Variants in PAX6 observed in about 807,000 individuals in gnomAD.
The protein encoded by PAX6 is paired box 6.
In PAX6, 7 loss-of-function variants were observed where a neutral mutation model predicts 60.7. The observed-to-expected ratio is 0.12, with a 90% CI of 0.07 to 0.22. The LOEUF is 0.22. PAX6 is among the 10% of genes least tolerant of loss of function. The pLI is 1.00. For synonymous variants in PAX6, 208 were observed against 201.2 expected, an observed-to-expected ratio of 1.03 and a Z score of -0.29; for missense variants, 355 against 555.2, an observed-to-expected ratio of 0.64 and a Z score of 3.62.
chr11:31,799,970 C>T (rs1262865146), intron 8 of PAX6, among the ~76,000 whole-genome samples: 2 of 150,270 alleles, frequency 1.3e-5, no homozygotes, highest in African/African-American at 4.9e-5. Flanking sequence ...CCCCATCCCC[C>T]GCTCTTCTTC....
chr11:31,795,352 A>T, intron 8 of PAX6, among the ~76,000 whole-genome samples: 1 of 152,244 alleles, frequency 6.6e-6, no homozygotes, highest in East Asian at 1.9e-4. Flanking sequence ...AAGTGCTCGC[A>T]TTGTTCTGCA....
exon 1 of PAX6, chr11:31,817,869 C>G (rs979759758): frequency 1.3e-5 from 2 of 152,762 alleles, no homozygotes; most frequent in Middle Eastern, 3.4e-3. Flanking sequence ...CACTTCTCAC[C>G]GCCGCTCGGC....
chr11:31,816,316 G>C (rs1403591057), upstream of PAX6: 2 of 520,396 alleles, frequency 3.8e-6, no homozygotes, highest in East Asian at 6.4e-5. Context: ...GAGAGGGTCT[G>C]AGGAAAAAAA....
At chr11:31,810,185 G>C (rs1956753513) in intron 2 of PAX6, 2 of 152,442 alleles carry the variant, frequency 1.3e-5, no homozygotes, top group South Asian at 4.1e-4. Context: ...CGGCTGCCTT[G>C]CCGACTGACT....
chr11:31,796,993 G>A (rs1419121105), intron 8 of PAX6, among the ~76,000 whole-genome samples: 1 of 152,074 alleles, frequency 6.6e-6, no homozygotes, highest in African/African-American at 2.4e-5. Context: ...GTTTTTCAAG[G>A]GAAGAAATGA....
intron 10 of PAX6, 21 bp from the exon 11 acceptor site, chr11:31,793,823 G>T (rs1592416958): frequency 1.9e-6 from 3 of 1,614,044 alleles, no homozygotes; most frequent in Non-Finnish European, 1.7e-6. Flanking sequence ...GGTGGGACAG[G>T]TTAGCACTGT....
chr11:31,804,352 G>T (rs1177236685), intron 4 of PAX6: 5 of 152,222 alleles, frequency 3.3e-5, no homozygotes, highest in Admixed American at 3.3e-4. Flanking sequence ...GTCCTTATTT[G>T]TAGATCACTC....
intron 8 of PAX6, 131 bp from the exon 9 acceptor site, chr11:31,794,919 T>C (rs895034918): frequency 6.2e-6 from 5 of 811,832 alleles, no homozygotes; most frequent in Non-Finnish European, 1.0e-5. Context: ...CCAAGGTAAC[T>C]GTCAGCCTTC....
chr11:31,789,616 A>G lies in PAX6; in HGVS notation c.*318T>C. On this transcript the variant is annotated 3_prime_UTR_variant, in exon 14 of 14. Transcript: ENST00000640368. Reference sequence around the variant, plus strand: ...ACAACTTCATGACCAACACAGATCAAACATCCATCCAGTCTACATTGTTCT... The same window carrying G: ...ACAACTTCATGACCAACACAGATCAGACATCCATCCAGTCTACATTGTTCT... The G allele has an allele frequency of 1.5e-6, 1 of 662,228 alleles. No individual in the cohort carries two copies. The highest frequency in any genetic ancestry group is 2.7e-6 in the Non-Finnish European group (1 of 369,606). The allele number at this position is 662,228 out of a possible 1,614,324, so 41.0% of individuals were successfully genotyped here. A position where few individuals can be genotyped will look rare whatever the true frequency, so the allele number is the denominator to read the frequency against.
At chr11:31,793,590 G>A in intron 11 of PAX6, 37 bp from the exon 12 acceptor site, 2 of 1,613,184 alleles carry the variant, frequency 1.2e-6, no homozygotes, top group South Asian at 1.1e-5. Context: ...CAGAGTGAGA[G>A]TCAGAGCCCG....
At position 31,801,647 on chromosome 11, in the gene PAX6, T is replaced by G. The variant is rs1953924207; in HGVS notation, c.313A>C (p.Lys105Gln). 1 of 1,614,064 alleles carries G rather than the reference T, an allele frequency of 6.2e-7. No homozygotes were observed. The highest frequency in any genetic ancestry group is 1.3e-5 in the African/African-American group (1 of 74,926). Residue 105 changes from lysine to glutamine, a missense_variant, in exon 7 of 14, where the codon AAG (lysine) becomes CAG (glutamine). Physicochemically the swap from Lys to Gln is moderately conservative, Grantham distance 53 (BLOSUM62 1). This residue lies in a region of PAX6 where 143 missense variants were observed against 183.6 expected (regional missense o/e 0.78). Transcript: ENST00000640368. ...PEVVSKIAQY[K>Q]RECPSIFAWE... ...GCAAAGATGGACGGGCACTCCCGCT[T>G]ATACTGGGCTATTTTGCTTACAACT...
chr11:31,817,293 G>A (rs915640798), intron 1 of PAX6, among the ~76,000 whole-genome samples: 2 of 152,268 alleles, frequency 1.3e-5, no homozygotes, highest in Admixed American at 6.5e-5. Flanking sequence ...CCCATCTCTA[G>A]ACTTTGTTGC....
Position 31,790,806 on chromosome 11 carries a change from A to T in PAX6, c.1129T>A (p.Ser377Thr). ...SYSCMLPTSP[S>T]VNGRSYDTYT... ...GTATCATAACTCCGCCCATTCACCG[A>T]AGGGCTGGTGGGCAGCATGCAGGAG... is the stretch of plus-strand genomic sequence containing the variant. The change falls in exon 13 of 14, where the codon TCG (serine) becomes ACG (threonine). Residue 377 changes from serine to threonine, a missense_variant. By Grantham distance (58) the Ser-to-Thr change is moderately conservative (BLOSUM62 1). Around this residue, in one of 5 missense-constraint regions of PAX6, gnomAD observed 149 missense variants for 191.9 expected, o/e 0.78. Coordinates refer to ENST00000640368, the MANE Select transcript of PAX6 (RefSeq NM_001368894.2). The T allele has an allele frequency of 1.2e-6, 2 of 1,614,028 alleles. No homozygotes were observed. Among genetic ancestry groups the T allele is most frequent in the Non-Finnish European group, 1.7e-6 (2 of 1,180,010 alleles).
Position 31,789,739 on chromosome 11 carries a change from G to A in PAX6, c.*195C>T, listed in dbSNP as rs1414622264. On this transcript the variant is annotated 3_prime_UTR_variant, in exon 14 of 14. Transcript: ENST00000640368. ...ATGAAGATTTGTTCCAACTGATATC[G>A]TGCCTTCTGTATACAAAGGTCCTTG... 9.9e-6 allele frequency: 7 copies of A among 707,324 alleles called. No homozygotes were observed. The highest frequency in any genetic ancestry group is 4.4e-5 in the South Asian group (3 of 67,608). The allele number at this position is 707,324 out of a possible 1,614,324, so 43.8% of individuals were successfully genotyped here. A position where few individuals can be genotyped will look rare whatever the true frequency, so the allele number is the denominator to read the frequency against.
chr11:31,817,767 G>C (rs1957447017), intron 1 of PAX6: 1 of 152,266 alleles, frequency 6.6e-6, no homozygotes, highest in East Asian at 1.9e-4. Flanking sequence ...GAGAGGCCCC[G>C]CGGGCCCCGA....
At chr11:31,814,146 C>G (rs1237964635), upstream of PAX6, 1 of 152,142 alleles carries the variant, frequency 6.6e-6, no homozygotes, top group Admixed American at 6.5e-5. Flanking sequence ...CCCTCCGCCC[C>G]CTGTGGCCAG....
chr11:31,802,728 C>T lies in PAX6; in HGVS notation c.117G>A (p.Pro39=), dbSNP rs919486001. 8.7e-6 allele frequency: 14 copies of T among 1,613,186 alleles called. No individual in the cohort carries two copies. The highest frequency in any genetic ancestry group is 1.7e-5 in the Admixed American group (1 of 59,970). The part of the protein sequence containing the change: ...IVELAHSGAR[P]CDISRILQTH... ...CCTGCAGAATTCGGGAAATGTCGCA[C>T]GGCCGGGCCCCGCTGTGAGCTAGCT... The change falls in exon 5 of 14, where the codon CCG becomes CCA. Residue 39 remains proline, a synonymous_variant. Coordinates refer to ENST00000640368, the MANE Select transcript of PAX6 (RefSeq NM_001368894.2).
chr11:31,806,600 T>A, intron 3 of PAX6, 138 bp from the exon 4 acceptor site: 1 of 685,774 alleles, frequency 1.5e-6, no homozygotes, highest in Admixed American at 2.2e-5. Context: ...CTTGGGGCGA[T>A]CTGAGGGTCA....
Position 31,791,198 on chromosome 11 carries a change from C to G in PAX6, c.1075-338G>C, listed in dbSNP as rs1404116794. On this transcript the variant is annotated intron_variant, in intron 12 of 13. Transcript: ENST00000640368. The stretch of plus-strand genomic sequence containing the variant: ...GAAGAACCTATAGCATGAGGACCTT[C>G]ATCAAAACACATCCCCTCTCCCTGC... 1.0e-5 allele frequency: 4 copies of G among 397,438 alleles called. No individual in the cohort carries two copies. In the East Asian group the frequency reaches 2.3e-4, roughly 23 times the overall value. 24.6% of individuals were successfully genotyped at this position (397,438 alleles called of 1,614,324 possible). A position where few individuals can be genotyped will look rare whatever the true frequency, so the allele number is the denominator to read the frequency against.
Sources: gnomAD v4.1 joint callset for allele counts (sites outside exome capture counted in the v4.1 genomes callset) on GRCh38, gnomAD v4.1.1 for gene constraint, gnomAD v4.1.1 regional missense constraint, MANE v1.5 for transcripts, NCBI Gene and HGNC (gene_info 2026-07-23, HGNC 2026-07-21) for gene names.